BRCC3: variants seen among roughly 807,000 people sequenced by gnomAD.
BRCC3 encodes lys-63-specific deubiquitinase BRCC36.
A neutral mutation model predicts 28.0 loss-of-function variants in BRCC3; 15 were observed. That is an observed-to-expected ratio of 0.54 (90% CI 0.36 to 0.82). The LOEUF is 0.82. Among genes scored for constraint, BRCC3 ranks in the 40% least tolerant of loss-of-function variants. The pLI is 0.01. For synonymous variants in BRCC3, 66 were observed against 80.3 expected, an observed-to-expected ratio of 0.82 and a Z score of 0.95; for missense variants, 109 against 225.9, an observed-to-expected ratio of 0.48 and a Z score of 3.32.
intron 10 of BRCC3, among the ~76,000 whole-genome samples, chrX:155,120,843 C>A (rs902537025): frequency 9.0e-6 from 1 of 111,681 alleles, no homozygotes; most frequent in Non-Finnish European, 1.9e-5. Flanking sequence ...TAATAAAAAT[C>A]ATGCTTTAAA....
intron 7 of BRCC3, among the ~76,000 whole-genome samples, chrX:155,093,674 C>G (rs905614479): frequency 9.3e-6 from 1 of 107,684 alleles, no homozygotes; most frequent in Admixed American, 9.7e-5. Flanking sequence ...TCTCACAGCT[C>G]TCTCCTTCCT....
At chrX:155,107,224 C>T (rs1455414256) in intron 7 of BRCC3, among the ~76,000 whole-genome samples, 1 of 110,549 alleles carries the variant, frequency 9.0e-6, no homozygotes, top group Non-Finnish European at 1.9e-5. Context: ...TATTTTTTGT[C>T]TTTCATTATT....
intron 5 of BRCC3, among the ~76,000 whole-genome samples, chrX:155,084,334 A>G (rs922188627): frequency 9.0e-6 from 1 of 111,280 alleles, no homozygotes; most frequent in Non-Finnish European, 1.9e-5. Context: ...TTTTTTTTCT[A>G]GCACTACGGT....
intron 3 of BRCC3, among the ~76,000 whole-genome samples, chrX:155,073,651 C>T (rs964814563): frequency 8.9e-6 from 1 of 111,901 alleles, no homozygotes; most frequent in Non-Finnish European, 1.9e-5. Flanking sequence ...GTCAGTACCA[C>T]CCTCTTGCTG....
chrX:155,119,940 A>G, intron 9 of BRCC3, 59 bp from the exon 10 acceptor site: 1 of 1,057,309 alleles, frequency 9.5e-7, no homozygotes, highest in Non-Finnish European at 1.3e-6. Context: ...TAGAGTGGAA[A>G]CATGCTAGTG....
intron 7 of BRCC3, among the ~76,000 whole-genome samples, chrX:155,091,431 G>A (rs2074174021): frequency 9.1e-6 from 1 of 109,838 alleles, no homozygotes; most frequent in Non-Finnish European, 1.9e-5. Context: ...ACCACCACGC[G>A]CAGCTAATTT....
chrX:155,088,361 T>C (rs187538747), intron 5 of BRCC3, among the ~76,000 whole-genome samples: 174 of 107,827 alleles, frequency 1.6e-3, no homozygotes, highest in African/African-American at 5.5e-3. Context: ...GCTTTTTTTT[T>C]TTTTTTTTTG....
intron 3 of BRCC3, among the ~76,000 whole-genome samples, chrX:155,075,582 G>C (rs782382916): frequency 1.8e-5 from 2 of 111,019 alleles, no homozygotes; most frequent in Admixed American, 9.6e-5. Flanking sequence ...TTTCAACCTT[G>C]AAACTTTAGA....
intron 7 of BRCC3, among the ~76,000 whole-genome samples, chrX:155,115,188 T>A (rs2074346492): frequency 1.8e-5 from 2 of 111,974 alleles, no homozygotes; most frequent in South Asian, 7.4e-4. Context: ...ACAAGAAATA[T>A]TAAAAGTTCT....
chrX:155,076,577 A>T (rs992149644), intron 3 of BRCC3, among the ~76,000 whole-genome samples: 2 of 110,116 alleles, frequency 1.8e-5, no homozygotes, highest in East Asian at 5.7e-4. Context: ...TGAGGGGGGA[A>T]GTGCCACACT....
intron 7 of BRCC3, among the ~76,000 whole-genome samples, chrX:155,093,277 G>A (rs1255424107): frequency 2.7e-5 from 3 of 110,547 alleles, no homozygotes; most frequent in Non-Finnish European, 5.7e-5. Context: ...CTAGTTCCTG[G>A]AGAGAGGAAA....
intron 7 of BRCC3, 90 bp from the exon 8 acceptor site, chrX:155,115,967 C>T (rs2074352119): frequency 3.4e-6 from 3 of 889,187 alleles, no homozygotes; most frequent in Non-Finnish European, 4.8e-6. Context: ...TAAAGTATGC[C>T]ATATCCCAAA....
At chrX:155,100,275 G>A (rs1416903231) in intron 7 of BRCC3, among the ~76,000 whole-genome samples, 3 of 111,728 alleles carry the variant, frequency 2.7e-5, no homozygotes, top group East Asian at 2.8e-4. Context: ...ATCATTATCC[G>A]TATCAGGAAA....
intron 5 of BRCC3, among the ~76,000 whole-genome samples, chrX:155,082,011 T>G (rs1557294238): frequency 1.8e-5 from 2 of 111,551 alleles, no homozygotes; most frequent in African/African-American, 6.5e-5. Context: ...GAAGCATCTA[T>G]AAAAATAAAA....
At chrX:155,101,757 C>T (rs2074248509) in intron 7 of BRCC3, among the ~76,000 whole-genome samples, 1 of 111,759 alleles carries the variant, frequency 8.9e-6, no homozygotes, top group Non-Finnish European at 1.9e-5. Flanking sequence ...CTTTCCTCTA[C>T]CCAGCCTGGA....
chrX:155,072,431 G>C, intron 2 of BRCC3, 88 bp downstream of exon 2: 1 of 728,201 alleles, frequency 1.4e-6, no homozygotes, highest in South Asian at 2.5e-5. Context: ...ATTGTGTCCG[G>C]ATCGTGTCTT....
At chrX:155,110,431 GTGC>G (rs1318776057) in intron 7 of BRCC3, among the ~76,000 whole-genome samples, 7 of 111,303 alleles carry the variant, frequency 6.3e-5, no homozygotes, top group Non-Finnish European at 1.3e-4. Context: ...TTGGCAAGTT[GTGC>G]TTTTCTAGGA....
chrX:155,071,659 G>C lies in BRCC3; in HGVS notation c.123+9G>C. 1 of 1,204,080 alleles carries C rather than the reference G, an allele frequency of 8.3e-7. No homozygotes were observed. The highest frequency in any genetic ancestry group is 3.0e-5 in the East Asian group (1 of 33,544). Reference sequence around the variant, plus strand: ...GGCTGTGCATAGGGGAGGTGAGTAGGTCTGTTAGCCTGGATGGAACCCTGC... The same window carrying C: ...GGCTGTGCATAGGGGAGGTGAGTAGCTCTGTTAGCCTGGATGGAACCCTGC... On this transcript the variant is annotated intron_variant, in intron 1 of 10. Coordinates refer to ENST00000330045, the MANE Select transcript of BRCC3 (RefSeq NM_001018055.3).
intron 7 of BRCC3, among the ~76,000 whole-genome samples, chrX:155,115,029 C>G (rs2074345437): frequency 8.9e-6 from 1 of 111,895 alleles, no homozygotes. Context: ...TGGCTGACTT[C>G]TCATCAGAAC....
Sources: allele counts gnomAD v4.1 joint callset (sites outside exome capture counted in the v4.1 genomes callset), GRCh38; gene constraint gnomAD v4.1.1; transcripts MANE v1.5; gene names NCBI Gene and HGNC (gene_info 2026-07-23, HGNC 2026-07-21).